The following CDC42BPB variants were observed in gnomAD, a reference collection of about 807,000 sequenced individuals.
CDC42BPB encodes the protein CDC42 binding protein kinase beta, also known as serine/threonine-protein kinase MRCK beta.
CDC42BPB carries 37 observed loss-of-function variants against 214.9 expected under a neutral mutation model. That is an observed-to-expected ratio of 0.17 (90% CI 0.13 to 0.23). The LOEUF is 0.23. Among genes scored for constraint, CDC42BPB ranks in the 10% least tolerant of loss-of-function variants. CDC42BPB has a pLI of 1.00. For missense variants in CDC42BPB, 1,694 were observed against 2,227.0 expected (o/e 0.76, Z 4.82); for synonymous variants, 931 against 884.0 (o/e 1.05, Z -0.94).
rs1341023729 is a variant in CDC42BPB at position 102,944,354 on chromosome 14, T to C, written c.3945A>G (p.Glu1315=). The C allele has an allele frequency of 1.9e-6, 3 of 1,613,068 alleles. No individual in the cohort carries two copies. Among genetic ancestry groups the C allele is most frequent in the African/African-American group, 1.3e-5 (1 of 74,940 alleles). ...LYPWSSLDGA[E]GSFDIKLPET... is the part of the protein sequence containing the mutation. ...CCGGAAGCTTGATGTCAAAGCTGCC[T>C]TCCGCTCCATCAAGGGACGACCACG... Residue 1315 remains glutamate, a synonymous_variant, in exon 30 of 37, where the codon GAA becomes GAG. Transcript: ENST00000361246. This position sits in a 1 kb window ranked among gnomAD's most constrained non-coding sequence, Gnocchi z 6.6.
intron 5 of CDC42BPB, among the ~76,000 whole-genome samples, chr14:102,989,019 G>C (rs1270602768): frequency 6.6e-6 from 1 of 151,962 alleles, no homozygotes; most frequent in Admixed American, 6.6e-5. Context: ...TGGCAAATTG[G>C]GGAAAAATAT....
chr14:102,949,931 C>G, intron 25 of CDC42BPB, 27 bp from the exon 26 acceptor site: 2 of 1,610,736 alleles, frequency 1.2e-6, no homozygotes, highest in Non-Finnish European at 1.7e-6. Flanking sequence ...ACAGTGGCCA[C>G]GTTCCACCAG....
chr14:103,038,558 C>CA (rs1353991221), intron 1 of CDC42BPB, among the ~76,000 whole-genome samples: 1 of 152,006 alleles, frequency 6.6e-6, no homozygotes, highest in African/African-American at 2.4e-5. Flanking sequence ...GACACAGTAT[C>CA]ACTCTGTTCC....
At chr14:102,938,578 G>T (rs186285582) in intron 34 of CDC42BPB, 167 bp from the exon 35 acceptor site, 82 of 985,114 alleles carry the variant, frequency 8.3e-5, no homozygotes, top group Non-Finnish European at 9.6e-5. Flanking sequence ...CTGGAACTAA[G>T]AACTGGCAAT....
At chr14:103,041,479 G>A in intron 1 of CDC42BPB, 1 of 1,288,744 alleles carries the variant, frequency 7.8e-7, no homozygotes. Context: ...ATGGCGCCCA[G>A]CCAGAATGGC....
At chr14:103,041,055 T>A (rs1398498540) in intron 1 of CDC42BPB, among the ~76,000 whole-genome samples, 1 of 152,150 alleles carries the variant, frequency 6.6e-6, no homozygotes, top group Admixed American at 6.5e-5. Flanking sequence ...ACCAAGACAG[T>A]GTGGTACTGG....
chr14:102,974,427 ACAC>A, intron 11 of CDC42BPB: 2 of 925,694 alleles, frequency 2.2e-6, no homozygotes, highest in Non-Finnish European at 2.6e-6. Context: ...TGGGTGGCGC[ACAC>A]ACTCGTCTGC....
At chr14:103,012,049 G>T in intron 2 of CDC42BPB, 48 bp downstream of exon 2, 4 of 1,184,356 alleles carry the variant, frequency 3.4e-6, no homozygotes, top group Non-Finnish European at 5.1e-6. Context: ...GGAAGCTGCT[G>T]ATGTTTTGGC....
At chr14:103,047,056 C>T (rs533630958) in intron 1 of CDC42BPB, among the ~76,000 whole-genome samples, 31 of 151,550 alleles carry the variant, frequency 2.0e-4, no homozygotes, top group African/African-American at 7.5e-4. Context: ...GAGGCCAAGG[C>T]GGGTGGATCA....
Position 102,972,176 on chromosome 14 carries a change from T to C in CDC42BPB, c.1642-15A>G. The C allele has an allele frequency of 1.9e-6, 3 of 1,609,760 alleles. No homozygotes were observed. Among genetic ancestry groups the C allele is most frequent in the Non-Finnish European group, 2.5e-6 (3 of 1,176,570 alleles). On this transcript the variant is annotated splice_polypyrimidine_tract_variant and intron_variant, in intron 12 of 36. Transcript: ENST00000361246. ...TCAACCAGTTGCTGAACAAAAACAATTATAGATGTTTTACGTTTGCCTAAC... is the reference window on the plus strand; with the variant it reads ...TCAACCAGTTGCTGAACAAAAACAACTATAGATGTTTTACGTTTGCCTAAC...
Position 102,940,098 on chromosome 14 carries a change from G to A in CDC42BPB, c.4539C>T (p.Asn1513=), listed in dbSNP as rs756586504. Residue 1513 remains asparagine, a synonymous_variant, in exon 32 of 37, where the codon AAC becomes AAT. Transcript: ENST00000361246. ...AGCGTGGAGGCTCGCAGTTGAGGAG[G>A]TTGAGGGTGCCTTCAGAGTTCAGGG... ...IRPLNSEGTL[N]LLNCEPPRLI... is the part of the protein sequence containing the mutation. 3.7e-6 allele frequency: 6 copies of A among 1,613,918 alleles called. No individual in the cohort carries two copies. Among genetic ancestry groups the A allele is most frequent in the Non-Finnish European group, 5.1e-6 (6 of 1,180,056 alleles).
chr14:103,003,287 T>C (rs148710009), intron 4 of CDC42BPB, among the ~76,000 whole-genome samples: 33 of 152,230 alleles, frequency 2.2e-4, no homozygotes, highest in African/African-American at 7.9e-4. Flanking sequence ...GGTCTGCGGG[T>C]CACTCAGCGG....
chr14:102,981,267 T>C (rs957317979), intron 7 of CDC42BPB: 17 of 851,274 alleles, frequency 2.0e-5, no homozygotes, highest in Non-Finnish European at 2.0e-5. Flanking sequence ...ATTTTACCTA[T>C]GGAAGTGGCA....
chr14:103,007,596 A>G (rs1022777431), intron 3 of CDC42BPB, among the ~76,000 whole-genome samples: 9 of 152,228 alleles, frequency 5.9e-5, no homozygotes, highest in African/African-American at 1.9e-4. Context: ...GCAAGCGCTG[A>G]CCGCAGGGCT....
chr14:102,972,778 G>A (rs1347107958), intron 12 of CDC42BPB, among the ~76,000 whole-genome samples: 2 of 143,402 alleles, frequency 1.4e-5, no homozygotes, highest in Non-Finnish European at 3.0e-5. Context: ...CGTGCTTACA[G>A]GAGGACGCTC....
chr14:102,997,233 T>C (rs982928081), intron 5 of CDC42BPB, among the ~76,000 whole-genome samples: 5 of 151,968 alleles, frequency 3.3e-5, no homozygotes, highest in African/African-American at 1.2e-4. Flanking sequence ...AGCCTCAAGG[T>C]GGAAGACACA....
intron 1 of CDC42BPB, chr14:103,041,626 A>G: frequency 1.4e-6 from 1 of 729,660 alleles, no homozygotes; most frequent in East Asian, 2.7e-5. Context: ...GTTGGGACCC[A>G]TCCGGCCCAT....
chr14:103,008,435 A>C (rs370635775), intron 3 of CDC42BPB, 37 bp downstream of exon 3: 1 of 1,333,146 alleles, frequency 7.5e-7, no homozygotes, highest in African/African-American at 1.4e-5. Context: ...GCTCACCCCA[A>C]GCCCCATTTG....
intron 1 of CDC42BPB, among the ~76,000 whole-genome samples, chr14:103,049,607 T>A (rs1888494231): frequency 6.6e-6 from 1 of 152,338 alleles, no homozygotes; most frequent in South Asian, 2.1e-4. Flanking sequence ...AACCCAGTAG[T>A]ACCGCTTAGT....
Sources: gnomAD v4.1 joint callset for allele counts (sites outside exome capture counted in the v4.1 genomes callset) on GRCh38, gnomAD v4.1.1 for gene constraint, Gnocchi (gnomAD v3.1) non-coding constraint, MANE v1.5 for transcripts, NCBI Gene and HGNC (gene_info 2026-07-23, HGNC 2026-07-21) for gene names.